PKHD1: variants seen among roughly 807,000 people sequenced by gnomAD.
PKHD1 encodes fibrocystin.
PKHD1 carries 291 observed loss-of-function variants against 412.0 expected under a neutral mutation model. The ratio of observed to expected loss-of-function variants is 0.71; its 90% CI spans 0.64 to 0.78. The LOEUF is 0.78. Among genes scored for constraint, PKHD1 ranks in the 30% least tolerant of loss-of-function variants. PKHD1 has a pLI of 0.00. For missense variants in PKHD1, 4,825 were observed against 4,950.7 expected (o/e 0.97, Z 0.76); for synonymous variants, 1,777 against 1,821.5 (o/e 0.98, Z 0.62).
In PKHD1 at chr6:52,053,732, T is replaced by C. The variant is rs562301827; in HGVS notation, c.1964+306A>G. Among the ~76,000 whole-genome samples, 157 of 152,336 alleles carry C rather than the reference T, an allele frequency of 1.0e-3. 1 individual carries two copies. Among genetic ancestry groups the C allele is most frequent in the African/African-American group, 3.2e-3 (132 of 41,584 alleles). On this transcript the variant is annotated intron_variant, in intron 20 of 66. Coordinates refer to ENST00000371117, the MANE Select transcript of PKHD1 (RefSeq NM_138694.4). ...ATGAATTTTGATGAATCACAAATTC[T>C]TGGGGCCCCAAATTTCCTCTTTCTG...
At chr6:51,757,306 T>G (rs1186005461) in intron 55 of PKHD1, among the ~76,000 whole-genome samples, 2 of 152,196 alleles carry the variant, frequency 1.3e-5, no homozygotes, top group African/African-American at 4.8e-5. Context: ...ATATTCTGTG[T>G]AATACTATGG....
chr6:52,078,675 C>T (rs745916694), intron 5 of PKHD1, among the ~76,000 whole-genome samples: 2 of 152,112 alleles, frequency 1.3e-5, no homozygotes, highest in Admixed American at 6.5e-5. Context: ...TTTTAGGAAA[C>T]GTTTCTCTTA....
intron 63 of PKHD1, among the ~76,000 whole-genome samples, chr6:51,643,662 GT>G (rs1283126516): frequency 6.6e-6 from 1 of 152,058 alleles, no homozygotes; most frequent in African/African-American, 2.4e-5. Context: ...GTCTCGTTTT[GT>G]TTTGTTTTTT....
In PKHD1 at chr6:51,618,747, C is replaced by T; in HGVS notation, c.*334G>A. ...TTGTGGGTGGTCAATCCAGAGAATG[C>T]TTAATAATAACCCCTGCTGGTATAA... On this transcript the variant is annotated 3_prime_UTR_variant, in exon 67 of 67. Coordinates refer to ENST00000371117, the MANE Select transcript of PKHD1 (RefSeq NM_138694.4). 2.7e-6 allele frequency: 1 copy of T among 371,500 alleles called. No homozygotes were observed. Among genetic ancestry groups the T allele is most frequent in the Non-Finnish European group, 5.1e-6 (1 of 194,334 alleles). 23.0% of individuals were successfully genotyped at this position (371,500 alleles called of 1,614,324 possible). A position where few individuals can be genotyped will look rare whatever the true frequency, so the allele number is the denominator to read the frequency against.
intron 60 of PKHD1, among the ~76,000 whole-genome samples, chr6:51,696,609 G>A (rs1004225956): frequency 1.3e-5 from 2 of 152,128 alleles, no homozygotes; most frequent in African/African-American, 4.8e-5. Flanking sequence ...AACAGAAAGA[G>A]ACAAAGCAAA....
chr6:51,918,641 G>A (rs968606232), intron 37 of PKHD1, among the ~76,000 whole-genome samples: 1 of 152,184 alleles, frequency 6.6e-6, no homozygotes, highest in African/African-American at 2.4e-5. Flanking sequence ...TGTGAACAGT[G>A]ATTCAATAAA....
Position 52,026,094 on chromosome 6 carries a change from A to G in PKHD1, c.3716T>C (p.Ile1239Thr), listed in dbSNP as rs1468269112. The change falls in exon 32 of 67, where the codon ATT (isoleucine) becomes ACT (threonine). Residue 1239 changes from isoleucine (I) to threonine (T), a missense_variant. Physicochemically the swap from Ile to Thr is moderately conservative, Grantham distance 89. Coordinates refer to ENST00000371117, the MANE Select transcript of PKHD1 (RefSeq NM_138694.4). ...GATGCTCGCCTCCGTTAAGTTCACA[A>G]TGTCACAGGACCGATTGCCCACAAG... is the stretch of plus-strand genomic sequence containing the variant. ...WVLVGNRSCD[I>T]VNLTEASIWC... The G allele has an allele frequency of 6.2e-7, 1 of 1,614,052 alleles. No homozygotes were observed. The highest frequency in any genetic ancestry group is 2.2e-5 in the East Asian group (1 of 44,898).
intron 60 of PKHD1, among the ~76,000 whole-genome samples, chr6:51,730,356 T>C (rs1027537140): frequency 6.6e-6 from 1 of 152,280 alleles, no homozygotes; most frequent in Non-Finnish European, 1.5e-5. Context: ...CTTTAATCCA[T>C]TTAAAATTTA....
intron 60 of PKHD1, among the ~76,000 whole-genome samples, chr6:51,696,325 G>C (rs1357426083): frequency 1.3e-5 from 2 of 152,176 alleles, no homozygotes; most frequent in Non-Finnish European, 2.9e-5. Context: ...AGATACATCA[G>C]TGATCCCTGG....
At chr6:51,695,859 T>C (rs916173140) in intron 60 of PKHD1, among the ~76,000 whole-genome samples, 1 of 152,194 alleles carries the variant, frequency 6.6e-6, no homozygotes, top group African/African-American at 2.4e-5. Context: ...TTCCCCCCTT[T>C]ACTATCTTGT....
chr6:51,807,485 A>ATATGTGTGTGTGTGTG (rs765667001), intron 52 of PKHD1, among the ~76,000 whole-genome samples: 2 of 111,794 alleles, frequency 1.8e-5, no homozygotes, highest in African/African-American at 7.8e-5. Context: ...ATATATGTAT[A>ATATGTGTGTGTGTGTG]TGTGTGTGTG....
At chr6:51,895,273 G>C (rs559990603) in intron 43 of PKHD1, among the ~76,000 whole-genome samples, 16 of 152,242 alleles carry the variant, frequency 1.1e-4, no homozygotes, top group African/African-American at 3.9e-4. Flanking sequence ...AGGGAACACA[G>C]GTTTTTTTCA....
intron 53 of PKHD1, among the ~76,000 whole-genome samples, chr6:51,786,147 T>C (rs1011499472): frequency 3.9e-5 from 6 of 152,128 alleles, no homozygotes; most frequent in Non-Finnish European, 8.8e-5. Context: ...ATTCAACTAA[T>C]GAGGGATGGA....
intron 60 of PKHD1, among the ~76,000 whole-genome samples, chr6:51,697,229 C>T (rs556960727): frequency 1.3e-5 from 2 of 152,082 alleles, no homozygotes; most frequent in South Asian, 2.1e-4. Context: ...TAGTAATTGT[C>T]CTCTTAATGA....
intron 26 of PKHD1, 92 bp from the exon 27 acceptor site, chr6:52,043,226 C>G: frequency 9.8e-7 from 1 of 1,019,436 alleles, no homozygotes; most frequent in Non-Finnish European, 1.4e-6. Flanking sequence ...TCAAATGTTC[C>G]TTCTCTGCCC....
chr6:51,996,592 G>A (rs1052385725), intron 35 of PKHD1, among the ~76,000 whole-genome samples: 1 of 152,174 alleles, frequency 6.6e-6, no homozygotes. Flanking sequence ...TAGTCATTAT[G>A]CTTTCTCATT....
intron 53 of PKHD1, among the ~76,000 whole-genome samples, chr6:51,780,501 C>T (rs1200951495): frequency 6.6e-6 from 1 of 151,590 alleles, no homozygotes; most frequent in African/African-American, 2.4e-5. Context: ...TTTGATAAAT[C>T]AATATAAAAC....
At chr6:51,784,352 C>T (rs534541984) in intron 53 of PKHD1, among the ~76,000 whole-genome samples, 3 of 152,252 alleles carry the variant, frequency 2.0e-5, no homozygotes, top group Non-Finnish European at 2.9e-5. Flanking sequence ...TTGTCCTGGT[C>T]CTGTTTTTTG....
chr6:51,902,587 G>A (rs1017938514), intron 43 of PKHD1, among the ~76,000 whole-genome samples: 3 of 152,204 alleles, frequency 2.0e-5, no homozygotes, highest in Non-Finnish European at 2.9e-5. Flanking sequence ...TGATCAGTGA[G>A]AAAGAAGCTC....
Sources: allele counts gnomAD v4.1 joint callset (sites outside exome capture counted in the v4.1 genomes callset), GRCh38; gene constraint gnomAD v4.1.1; transcripts MANE v1.5; gene names NCBI Gene and HGNC (gene_info 2026-07-23, HGNC 2026-07-21).